MMD2: variants seen among roughly 807,000 people sequenced by gnomAD.
The protein encoded by MMD2 is monocyte to macrophage differentiation associated 2, also known as monocyte to macrophage differentiation factor 2.
Under a neutral mutation model 33.5 loss-of-function variants are expected in MMD2, and 30 were observed. The ratio of observed to expected loss-of-function variants is 0.90; its 90% CI spans 0.67 to 1.22. MMD2 has a LOEUF of 1.22. Ranked by LOEUF, MMD2 falls within the 50% of genes most tolerant of loss-of-function variation. The pLI, the probability that MMD2 is intolerant of heterozygous loss-of-function variation, is 0.00. For synonymous variants in MMD2, 129 were observed against 123.0 expected (o/e 1.05, Z -0.32); for missense variants, 364 against 325.4 (o/e 1.12, Z -0.91).
chr7:4,935,061 C>T (rs900744605), intron 1 of MMD2, among the ~76,000 whole-genome samples: 1 of 152,114 alleles, frequency 6.6e-6, no homozygotes, highest in Non-Finnish European at 1.5e-5. Flanking sequence ...TGGCGCACAC[C>T]TGTAATTCCA....
At chr7:4,919,953 G>A (rs61700194) in intron 3 of MMD2, among the ~76,000 whole-genome samples, 1 of 152,266 alleles carries the variant, frequency 6.6e-6, no homozygotes, top group Non-Finnish European at 1.5e-5. Flanking sequence ...CGTGGGCGAG[G>A]TGGTCCGCCC....
intron 4 of MMD2, among the ~76,000 whole-genome samples, chr7:4,913,721 CAAAAA>C (rs35733360): frequency 3.7e-5 from 2 of 54,048 alleles, no homozygotes; most frequent in Non-Finnish European, 6.3e-5. Context: ...TCTATCTCGG[CAAAAA>C]AAAAAAAAAA....
At chr7:4,957,556 G>A (rs1786420409) in intron 1 of MMD2, among the ~76,000 whole-genome samples, 2 of 152,046 alleles carry the variant, frequency 1.3e-5, no homozygotes, top group Non-Finnish European at 2.9e-5. Context: ...GGCTGAAGCA[G>A]GAGAATCGCT....
intron 1 of MMD2, among the ~76,000 whole-genome samples, chr7:4,955,592 T>G (rs1173067770): frequency 6.6e-6 from 1 of 152,154 alleles, no homozygotes; most frequent in Non-Finnish European, 1.5e-5. Flanking sequence ...GTAAAATATC[T>G]CCTAAATAAT....
chr7:4,952,765 C>T (rs1017002172), intron 1 of MMD2, among the ~76,000 whole-genome samples: 3 of 148,996 alleles, frequency 2.0e-5, no homozygotes, highest in Admixed American at 1.4e-4. Flanking sequence ...AATCCTGGAT[C>T]ACCGCAGCCT....
chr7:4,931,784 CA>C (rs1167454882), intron 1 of MMD2, among the ~76,000 whole-genome samples: 2 of 152,062 alleles, frequency 1.3e-5, no homozygotes, highest in Non-Finnish European at 2.9e-5. Flanking sequence ...AGGCTGGTCT[CA>C]AACTCCTGAC....
the MMD2 span, among the ~76,000 whole-genome samples, chr7:4,895,360 G>C: frequency 6.6e-6 from 1 of 151,886 alleles, no homozygotes; most frequent in South Asian, 2.1e-4. Flanking sequence ...ACAGGCCCGA[G>C]CCACGGAGCC....
At chr7:4,902,636 T>G (rs1048937573), downstream of MMD2, among the ~76,000 whole-genome samples, 2 of 152,198 alleles carry the variant, frequency 1.3e-5, no homozygotes, top group African/African-American at 4.8e-5. Context: ...ATACCACGCC[T>G]GTGACATTAG....
chr7:4,895,483 G>T, the MMD2 span, among the ~76,000 whole-genome samples: 1 of 152,152 alleles, frequency 6.6e-6, no homozygotes, highest in Admixed American at 6.5e-5. Flanking sequence ...TTGACTTAGG[G>T]CTGAGGTTCC....
downstream of MMD2, among the ~76,000 whole-genome samples, chr7:4,901,358 T>C (rs1312789620): frequency 2.0e-5 from 3 of 151,970 alleles, no homozygotes; most frequent in African/African-American, 7.3e-5. Flanking sequence ...AGAGAATCTC[T>C]TGAACCCGGG....
chr7:4,916,282 C>G (rs1785140699), intron 3 of MMD2, among the ~76,000 whole-genome samples: 1 of 151,996 alleles, frequency 6.6e-6, no homozygotes, highest in East Asian at 1.9e-4. Flanking sequence ...TCCTTATCAC[C>G]CTAGGGGCTG....
chr7:4,947,628 G>A (rs560141091), intron 1 of MMD2, among the ~76,000 whole-genome samples: 57 of 150,204 alleles, frequency 3.8e-4, no homozygotes, highest in African/African-American at 1.1e-3. Flanking sequence ...CTCCTGACCT[G>A]GTGATCTGCC....
intron 1 of MMD2, among the ~76,000 whole-genome samples, chr7:4,933,919 C>T (rs1280218003): frequency 6.7e-6 from 1 of 149,128 alleles, no homozygotes; most frequent in African/African-American, 2.5e-5. Flanking sequence ...AGGCATGAGA[C>T]ACTGTGCCCG....
At chr7:4,925,311 CCACA>C in intron 2 of MMD2, 136 bp downstream of exon 2, 1 of 390,554 alleles carries the variant, frequency 2.6e-6, no homozygotes, top group Non-Finnish European at 4.1e-6. Context: ...CCTCGAGACG[CCACA>C]GTGGCCTTCC....
At chr7:4,925,309 C>T (rs1785394834) in intron 2 of MMD2, 142 bp downstream of exon 2, 3 of 463,120 alleles carry the variant, frequency 6.5e-6, no homozygotes, top group Non-Finnish European at 1.1e-5. Context: ...TCCCTCGAGA[C>T]GCCACAGTGG....
At chr7:4,913,942 T>C (rs1785077917) in intron 4 of MMD2, among the ~76,000 whole-genome samples, 1 of 152,022 alleles carries the variant, frequency 6.6e-6, no homozygotes, top group South Asian at 2.1e-4. Flanking sequence ...ATTACAGGCG[T>C]TAGCCACTGC....
At chr7:4,902,829 C>A (rs1299175827), downstream of MMD2, among the ~76,000 whole-genome samples, 4 of 152,202 alleles carry the variant, frequency 2.6e-5, no homozygotes, top group Non-Finnish European at 2.9e-5. Context: ...GTGCATGAAG[C>A]CATCATGGGC....
At chr7:4,945,185 T>TTTCCTCTTCTTCTTCTTC (rs1554273329) in intron 1 of MMD2, among the ~76,000 whole-genome samples, 1 of 93,480 alleles carries the variant, frequency 1.1e-5, no homozygotes, top group African/African-American at 4.0e-5. Flanking sequence ...CCTCTTCCTC[T>TTTCCTCTTCTTCTTCTTC]TTCTTCTTCT....
At chr7:4,944,225 T>C (rs1785987652) in intron 1 of MMD2, among the ~76,000 whole-genome samples, 1 of 151,710 alleles carries the variant, frequency 6.6e-6, no homozygotes, top group South Asian at 2.1e-4. Flanking sequence ...CAGTGAGCTA[T>C]GATCGAACCA....
Sources: allele counts gnomAD v4.1 joint callset (sites outside exome capture counted in the v4.1 genomes callset), GRCh38; gene constraint gnomAD v4.1.1; transcripts MANE v1.5; gene names NCBI Gene and HGNC (gene_info 2026-07-23, HGNC 2026-07-21).